GPC5: variants seen among roughly 807,000 people sequenced by gnomAD.
GPC5 encodes the protein glypican 5.
In GPC5, 47 loss-of-function variants were observed where a neutral mutation model predicts 53.9. That is an observed-to-expected ratio of 0.87 (90% CI 0.69 to 1.11). GPC5 has a LOEUF of 1.11. Ranked by LOEUF, GPC5 falls within the 50% of genes most tolerant of loss-of-function variation. The pLI is 0.00. For synonymous variants in GPC5, 286 were observed against 263.3 expected (o/e 1.09, Z -0.84); for missense variants, 748 against 713.1 (o/e 1.05, Z -0.56).
chr13:92,554,865 C>G (rs906291908), intron 7 of GPC5, among the ~76,000 whole-genome samples: 1 of 150,308 alleles, frequency 6.7e-6, no homozygotes, highest in Non-Finnish European at 1.5e-5. Context: ...TGTATGAGAT[C>G]TGTTAAATCT....
chr13:92,291,403 C>T lies in GPC5; in HGVS notation c.1561+146414C>T, dbSNP rs185413517. 5.5e-3 allele frequency among the ~76,000 whole-genome samples: 840 copies of T among 152,280 alleles called. 8 individuals are homozygous for T. The highest frequency in any genetic ancestry group is 0.018 in the African/African-American group (744 of 41,564). On this transcript the variant is annotated intron_variant, in intron 7 of 7. Transcript: ENST00000377067. Reference sequence around the variant, plus strand: ...GTATCTAGCTCAAGATTTGTAAACACACCAATCAGCACCCTGTGTCTAGCT... The same window carrying T: ...GTATCTAGCTCAAGATTTGTAAACATACCAATCAGCACCCTGTGTCTAGCT...
At chr13:91,947,900 A>G (rs2039988490) in intron 6 of GPC5, among the ~76,000 whole-genome samples, 1 of 151,994 alleles carries the variant, frequency 6.6e-6, no homozygotes, top group African/African-American at 2.4e-5. Flanking sequence ...GATTGAGTTG[A>G]TAGCACTTTG....
intron 5 of GPC5, among the ~76,000 whole-genome samples, chr13:91,869,873 A>G (rs1260997375): frequency 2.0e-5 from 3 of 152,094 alleles, no homozygotes; most frequent in Non-Finnish European, 4.4e-5. Flanking sequence ...TACACACTTA[A>G]ACAACCAGAT....
chr13:92,776,420 G>A (rs114052974), intron 7 of GPC5, among the ~76,000 whole-genome samples: 112 of 152,180 alleles, frequency 7.4e-4, no homozygotes, highest in Middle Eastern at 6.8e-3. Context: ...GTGATCCCAC[G>A]GGGCCCACCC....
chr13:92,141,933 A>G (rs891501372), intron 6 of GPC5, among the ~76,000 whole-genome samples: 22 of 152,126 alleles, frequency 1.4e-4, no homozygotes, highest in African/African-American at 2.4e-5. Flanking sequence ...GATAGGCCCT[A>G]TCACATCATC....
chr13:91,492,806 C>T (rs1396179179), intron 2 of GPC5, among the ~76,000 whole-genome samples: 3 of 152,186 alleles, frequency 2.0e-5, no homozygotes, highest in Admixed American at 2.0e-4. Flanking sequence ...TTCCTTTCTT[C>T]CAATGATCTT....
At chr13:92,445,960 T>C (rs963522367) in intron 7 of GPC5, among the ~76,000 whole-genome samples, 26 of 152,136 alleles carry the variant, frequency 1.7e-4, no homozygotes, top group African/African-American at 6.3e-4. Flanking sequence ...AAATTTTTAA[T>C]TTTTCTGAGT....
At chr13:92,713,550 G>C (rs1207130473) in intron 7 of GPC5, among the ~76,000 whole-genome samples, 3 of 150,312 alleles carry the variant, frequency 2.0e-5, no homozygotes, top group Admixed American at 1.3e-4. Flanking sequence ...AGAGCTTGCA[G>C]TGAGCTGAGA....
intron 6 of GPC5, among the ~76,000 whole-genome samples, chr13:92,113,753 T>C (rs893650040): frequency 1.3e-5 from 2 of 151,844 alleles, no homozygotes; most frequent in South Asian, 4.2e-4. Flanking sequence ...CTGCTACATT[T>C]GTCCAGAGAA....
chr13:92,099,429 C>T (rs2041448065), intron 6 of GPC5, among the ~76,000 whole-genome samples: 1 of 152,120 alleles, frequency 6.6e-6, no homozygotes, highest in African/African-American at 2.4e-5. Context: ...TCTTGCTGTC[C>T]TTGTTTCTGC....
intron 7 of GPC5, among the ~76,000 whole-genome samples, chr13:92,465,396 A>G (rs1343362832): frequency 1.3e-5 from 2 of 152,090 alleles, no homozygotes; most frequent in East Asian, 3.8e-4. Context: ...TATATTCTTT[A>G]AGATATTTTA....
At chr13:91,470,896 G>C (rs970411206) in intron 2 of GPC5, among the ~76,000 whole-genome samples, 1 of 152,000 alleles carries the variant, frequency 6.6e-6, no homozygotes, top group Non-Finnish European at 1.5e-5. Context: ...TGGCTCAATG[G>C]TCCTTTCAGA....
chr13:91,797,776 G>C (rs150056144), intron 5 of GPC5, among the ~76,000 whole-genome samples: 1 of 152,124 alleles, frequency 6.6e-6, no homozygotes, highest in Non-Finnish European at 1.5e-5. Context: ...CAGAGCAGGC[G>C]TCGTGCTGAC....
At chr13:91,747,295 A>G (rs2037070270) in intron 4 of GPC5, among the ~76,000 whole-genome samples, 1 of 152,094 alleles carries the variant, frequency 6.6e-6, no homozygotes. Flanking sequence ...CCCTTTATAT[A>G]TATTTTGTAC....
intron 7 of GPC5, among the ~76,000 whole-genome samples, chr13:92,665,455 G>A (rs1886537591): frequency 6.6e-6 from 1 of 152,168 alleles, no homozygotes. Flanking sequence ...CTCTTTCTTT[G>A]ATCCTAAGCA....
intron 6 of GPC5, among the ~76,000 whole-genome samples, chr13:92,008,903 G>A (rs768725083): frequency 1.3e-5 from 2 of 151,300 alleles, no homozygotes; most frequent in Admixed American, 6.6e-5. Context: ...AGTTTCTATT[G>A]CTATGTCTTC....
At chr13:92,719,482 G>T (rs548494805) in intron 7 of GPC5, among the ~76,000 whole-genome samples, 2 of 152,132 alleles carry the variant, frequency 1.3e-5, no homozygotes, top group Admixed American at 1.3e-4. Flanking sequence ...ATTTCATCCT[G>T]CTGCCTCACT....
At chr13:91,963,245 G>A (rs1379751824) in intron 6 of GPC5, among the ~76,000 whole-genome samples, 1 of 152,170 alleles carries the variant, frequency 6.6e-6, no homozygotes, top group Non-Finnish European at 1.5e-5. Flanking sequence ...ATTCCCTGCT[G>A]CTGGGAGCAC....
intron 7 of GPC5, chr13:92,446,700 C>T (rs939283080): frequency 6.6e-6 from 1 of 152,122 alleles, no homozygotes; most frequent in Non-Finnish European, 1.5e-5. Flanking sequence ...TTGTGAGGAA[C>T]ACCCAAGCTG....
Sources: allele counts gnomAD v4.1 joint callset (sites outside exome capture counted in the v4.1 genomes callset), GRCh38; gene constraint gnomAD v4.1.1; transcripts MANE v1.5; gene names NCBI Gene and HGNC (gene_info 2026-07-23, HGNC 2026-07-21).